Variants in GOLGA2 observed in about 807,000 individuals in gnomAD.
GOLGA2 encodes the protein golgin A2.
In GOLGA2, 49 loss-of-function variants were observed where a neutral mutation model predicts 148.8. The observed-to-expected ratio is 0.33, with a 90% CI of 0.26 to 0.42. GOLGA2 has a LOEUF of 0.42. GOLGA2 is among the 10% of genes least tolerant of loss of function. GOLGA2 has a pLI of 1.00. For missense variants in GOLGA2, 1,178 were observed against 1,304.6 expected (o/e 0.90, Z 1.49); for synonymous variants, 501 against 511.8 (o/e 0.98, Z 0.28).
chr9:128,268,078 C>T (rs375191721), intron 5 of GOLGA2, 39 bp downstream of exon 5: 1 of 1,607,108 alleles, frequency 6.2e-7, no homozygotes, highest in African/African-American at 1.3e-5. Context: ...CCCTGACTCT[C>T]TCAGCCTAGA....
At position 128,259,044 on chromosome 9, in the gene GOLGA2, T is replaced by C. The variant is rs1343948207; in HGVS notation, c.2136A>G (p.Leu712=). ...LEAATQQNQQ[L]RAQLSLMAHP... ...GAGCCATGAGGCTCAACTGGGCCCG[T>C]AGCTGCTGATTCTGCTGGGTGGCAG... Residue 712 remains leucine, a synonymous_variant, in exon 21 of 27, where the codon CTA becomes CTG. Transcript: ENST00000611957. 1.2e-6 allele frequency: 2 copies of C among 1,611,026 alleles called. No homozygotes were observed. The highest frequency in any genetic ancestry group is 1.7e-6 in the Non-Finnish European group (2 of 1,179,016).
intron 4 of GOLGA2, 75 bp from the exon 5 acceptor site, chr9:128,268,235 C>T (rs1053134782): frequency 3.7e-6 from 5 of 1,337,154 alleles, no homozygotes; most frequent in Non-Finnish European, 4.3e-6. Flanking sequence ...GAGTCAAGCT[C>T]CCAAACTCAT....
intron 12 of GOLGA2, 40 bp downstream of exon 12, chr9:128,265,545 A>AT: frequency 7.1e-7 from 1 of 1,407,454 alleles, no homozygotes. Flanking sequence ...CCATCTGGGA[A>AT]GCCAGTATGC....
At chr9:128,273,604 AAAC>A (rs749298205) in intron 2 of GOLGA2, 2 of 541,528 alleles carry the variant, frequency 3.7e-6, no homozygotes, top group East Asian at 3.0e-5. Context: ...ATTAACATAA[AAAC>A]AACAATAACA....
Position 128,261,403 on chromosome 9 carries a change from G to A in GOLGA2, c.1332+51C>T, listed in dbSNP as rs535188566. ...CTCCCATTTCGCAGATGCCCAGAAA[G>A]ATCAAGTGACCTATCTAAGGTTGAG... is the stretch of plus-strand genomic sequence containing the variant. On this transcript the variant is annotated intron_variant, in intron 16 of 26. Coordinates refer to ENST00000611957, the MANE Select transcript of GOLGA2 (RefSeq NM_001366244.2). The surrounding 1 kb of genome is among the most constrained non-coding windows in gnomAD (Gnocchi z 5.7). 1.6e-6 allele frequency: 2 copies of A among 1,270,108 alleles called. No individual in the cohort carries two copies. Among genetic ancestry groups the A allele is most frequent in the South Asian group, 2.4e-5 (2 of 84,286 alleles). 78.7% of individuals were successfully genotyped at this position (1,270,108 alleles called of 1,614,324 possible). A position where few individuals can be genotyped will look rare whatever the true frequency, so the allele number is the denominator to read the frequency against.
In GOLGA2 at chr9:128,259,351, T is replaced by A. The variant is rs747829710; in HGVS notation, c.1913A>T (p.Gln638Leu). The A allele has an allele frequency of 2.5e-6, 4 of 1,604,218 alleles. No individual in the cohort carries two copies. In the South Asian group the frequency reaches 4.4e-5, roughly 18 times the overall value. Residue 638 changes from glutamine to leucine, a missense_variant, in exon 20 of 27, where the codon CAG becomes CTG. Physicochemically the swap from Gln to Leu is moderately radical, Grantham distance 113 (BLOSUM62 -2). Around this residue, in one of 5 missense-constraint regions of GOLGA2, gnomAD observed 529 missense variants for 521.8 expected, o/e 1.01. Transcript: ENST00000611957. ...CAGGTGTCCCAGGTACTGGTCTCGC[T>A]GCTGCTGCAGACTTTGAGCCTCTTG... ...KSQEAQSLQQ[Q>L]RDQYLGHLQQ...
In GOLGA2 at chr9:128,257,995, G is replaced by A. The variant is rs764139447; in HGVS notation, c.2493C>T (p.Ala831=). The change falls in exon 23 of 27, where the codon GCC becomes GCT. Residue 831 remains alanine, a synonymous_variant. Coordinates refer to ENST00000611957, the MANE Select transcript of GOLGA2 (RefSeq NM_001366244.2). This position sits in a 1 kb window ranked among gnomAD's most constrained non-coding sequence, Gnocchi z 8.0. The part of the protein sequence containing the change: ...CGETHRALQG[A]MEKLQSRFME... ...ACTCATTCACCTGCAGCTTCTCCAT[G>A]GCCCCCTGCAGGGCCCGGTGGGTCT... The A allele has an allele frequency of 1.2e-6, 2 of 1,602,092 alleles. No individual in the cohort carries two copies. The highest frequency in any genetic ancestry group is 1.1e-5 in the South Asian group (1 of 90,470).
At chr9:128,263,446 G>C (rs1830397914) in intron 12 of GOLGA2, among the ~76,000 whole-genome samples, 2 of 151,856 alleles carry the variant, frequency 1.3e-5, no homozygotes, top group Admixed American at 1.3e-4. Flanking sequence ...TTCTGAGATG[G>C]AGTCTCTGTT....
At position 128,260,571 on chromosome 9, in the gene GOLGA2, AT is replaced by A. The variant is rs767712252; in HGVS notation, c.1651del (p.Ile551SerfsTer34). ...WGEQAEARRQ[I>X]LETMQNDRTT... ...GCGGTCGTTCTGCATGGTCTCCAGG[AT>A]TTGCCTGCGCGCCTCCGCCTGCTCC... is the stretch of plus-strand genomic sequence containing the variant. On this transcript the variant is annotated frameshift_variant, in exon 18 of 27. Transcript: ENST00000611957. LOFTEE classifies it high-confidence loss of function. The surrounding 1 kb of genome is among the most constrained non-coding windows in gnomAD (Gnocchi z 4.8). 1 of 1,612,356 alleles carries A rather than the reference AT, an allele frequency of 6.2e-7. No individual in the cohort carries two copies. Among genetic ancestry groups the A allele is most frequent in the Non-Finnish European group, 8.5e-7 (1 of 1,179,992 alleles).
At position 128,260,429 on chromosome 9, in the gene GOLGA2, G is replaced by C; in HGVS notation, c.1758+36C>G. 3 of 1,529,668 alleles carry C rather than the reference G, an allele frequency of 2.0e-6. No individual in the cohort carries two copies. The highest frequency in any genetic ancestry group is 2.7e-6 in the Non-Finnish European group (3 of 1,111,006). 94.8% of individuals were successfully genotyped at this position (1,529,668 alleles called of 1,614,324 possible). The stretch of plus-strand genomic sequence containing the variant: ...GGGAAAACAAAGGTCTGGAGGGCTA[G>C]GGAGGAGGGCGGGCTCTCCAGGTGG... On this transcript the variant is annotated intron_variant, in intron 18 of 26. Coordinates refer to ENST00000611957, the MANE Select transcript of GOLGA2 (RefSeq NM_001366244.2). This position sits in a 1 kb window ranked among gnomAD's most constrained non-coding sequence, Gnocchi z 4.8.
At chr9:128,268,265 C>A in intron 4 of GOLGA2, 105 bp from the exon 5 acceptor site, 2 of 1,204,714 alleles carry the variant, frequency 1.7e-6, no homozygotes, top group Non-Finnish European at 2.5e-6. Flanking sequence ...CTTCAATCTC[C>A]CCAGGCCTCA....
intron 3 of GOLGA2, among the ~76,000 whole-genome samples, chr9:128,272,117 G>GT (rs1235904205): frequency 1.4e-5 from 2 of 147,652 alleles, no homozygotes; most frequent in Non-Finnish European, 3.0e-5. Flanking sequence ...AGGTCTGTTG[G>GT]TTTTTTTGTG....
At chr9:128,262,443 C>A in intron 14 of GOLGA2, 120 bp downstream of exon 14, 3 of 815,468 alleles carry the variant, frequency 3.7e-6, no homozygotes, top group South Asian at 1.8e-5. Flanking sequence ...ATGCCAGGAC[C>A]GGAACAAGGA....
Position 128,260,434 on chromosome 9 carries a change from G to T in GOLGA2, c.1758+31C>A. 1 of 1,551,692 alleles carries T rather than the reference G, an allele frequency of 6.4e-7. No homozygotes were observed. On this transcript the variant is annotated intron_variant, in intron 18 of 26. Coordinates refer to ENST00000611957, the MANE Select transcript of GOLGA2 (RefSeq NM_001366244.2). The surrounding 1 kb of genome is among the most constrained non-coding windows in gnomAD (Gnocchi z 4.8). ...AACAAAGGTCTGGAGGGCTAGGGAGGAGGGCGGGCTCTCCAGGTGGGGCAG... is the reference window on the plus strand; with the variant it reads ...AACAAAGGTCTGGAGGGCTAGGGAGTAGGGCGGGCTCTCCAGGTGGGGCAG...
In GOLGA2 at chr9:128,261,334, C is replaced by A; in HGVS notation, c.1333-75G>T. The A allele has an allele frequency of 7.6e-7, 1 of 1,324,174 alleles. No individual in the cohort carries two copies. Among genetic ancestry groups the A allele is most frequent in the Non-Finnish European group, 1.1e-6 (1 of 916,642 alleles). The allele number at this position is 1,324,174 out of a possible 1,614,324, so 82.0% of individuals were successfully genotyped here. A position where few individuals can be genotyped will look rare whatever the true frequency, so the allele number is the denominator to read the frequency against. Reference sequence around the variant, plus strand: ...ACAGGCTACCATCTCCCTCTGCCCCCACCGCCACAAAGCCCAGACCCATGA... The same window carrying A: ...ACAGGCTACCATCTCCCTCTGCCCCAACCGCCACAAAGCCCAGACCCATGA... On this transcript the variant is annotated intron_variant, in intron 16 of 26. Coordinates refer to ENST00000611957, the MANE Select transcript of GOLGA2 (RefSeq NM_001366244.2). The surrounding 1 kb of genome is among the most constrained non-coding windows in gnomAD (Gnocchi z 5.7).
In GOLGA2 at chr9:128,267,483, G is replaced by A. The variant is rs756015898; in HGVS notation, c.536C>T (p.Ser179Leu). 4.2e-5 allele frequency: 67 copies of A among 1,613,320 alleles called. 2 individuals are homozygous for A. In the South Asian group the frequency reaches 5.4e-4, roughly 13 times the overall value. The change falls in exon 7 of 27, where the codon TCG becomes TTG. Residue 179 changes from serine to leucine, a missense_variant. Around this residue, in one of 5 missense-constraint regions of GOLGA2, gnomAD observed 304 missense variants for 404.1 expected, o/e 0.75. Transcript: ENST00000611957. ...ATCVNGEGPA[S>L]SANLKDLESR... The stretch of plus-strand genomic sequence containing the variant: ...CTCCAGATCCTTCAGGTTAGCAGAC[G>A]ATGCAGGGCCCTCCCCATTGACACA...
At chr9:128,262,740 AG>A in intron 13 of GOLGA2, 36 bp from the exon 14 acceptor site, 1 of 1,596,916 alleles carries the variant, frequency 6.3e-7, no homozygotes, top group Non-Finnish European at 8.5e-7. Context: ...GAATGAACGA[AG>A]AACAGAAAGG....
At position 128,260,588 on chromosome 9, in the gene GOLGA2, C is replaced by T. The variant is rs146436048; in HGVS notation, c.1635G>A (p.Ala545=). The T allele has an allele frequency of 3.7e-5, 60 of 1,611,584 alleles. No individual in the cohort carries two copies. The highest frequency in any genetic ancestry group is 4.5e-5 in the Non-Finnish European group (53 of 1,180,002). The change falls in exon 18 of 27, where the codon GCG becomes GCA. Residue 545 remains alanine (A), a synonymous_variant. Transcript: ENST00000611957. The surrounding 1 kb of genome is among the most constrained non-coding windows in gnomAD (Gnocchi z 4.8). ...TCTCCAGGATTTGCCTGCGCGCCTC[C>T]GCCTGCTCCCCCCAGAGCTCGGCCG... is the stretch of plus-strand genomic sequence containing the variant. ...ERAAELWGEQ[A]EARRQILETM...
chr9:128,258,247 A>ATGAACG lies in GOLGA2; in HGVS notation c.2290-50_2290-49insCGTTCA, dbSNP rs761435881. On this transcript the variant is annotated intron_variant, in intron 22 of 26. Coordinates refer to ENST00000611957, the MANE Select transcript of GOLGA2 (RefSeq NM_001366244.2). This position sits in a 1 kb window ranked among gnomAD's most constrained non-coding sequence, Gnocchi z 6.6. Reference sequence around the variant, plus strand: ...TTGTAGGAGGATATATAGGATGAACAGGGCAGGGAGGTAGAGAGCAGCCCT... The same window carrying ATGAACG: ...TTGTAGGAGGATATATAGGATGAACATGAACGGGGCAGGGAGGTAGAGAGCAGCCCT... 1 of 1,411,312 alleles carries ATGAACG rather than the reference A, an allele frequency of 7.1e-7. No homozygotes were observed. The highest frequency in any genetic ancestry group is 9.7e-7 in the Non-Finnish European group (1 of 1,028,880). The allele number at this position is 1,411,312 out of a possible 1,614,324, so 87.4% of individuals were successfully genotyped here.
Sources: allele counts gnomAD v4.1 joint callset (sites outside exome capture counted in the v4.1 genomes callset), GRCh38; gene constraint gnomAD v4.1.1; regional missense constraint gnomAD v4.1.1; non-coding constraint Gnocchi (gnomAD v3.1); transcripts MANE v1.5; gene names NCBI Gene and HGNC (gene_info 2026-07-23, HGNC 2026-07-21).